Variants in SCYL2 observed in about 807,000 individuals in gnomAD.
The protein encoded by SCYL2 is SCY1 like pseudokinase 2, also known as SCY1-like protein 2.
A neutral mutation model predicts 100.4 loss-of-function variants in SCYL2; 36 were observed. The ratio of observed to expected loss-of-function variants is 0.36; its 90% CI spans 0.27 to 0.47. The LOEUF (loss-of-function observed/expected upper bound fraction) is 0.47, where lower values mean the gene tolerates loss of function less well. Among genes scored for constraint, SCYL2 ranks in the 20% least tolerant of loss-of-function variants. SCYL2 has a pLI of 1.00. For missense variants in SCYL2, 902 were observed against 1,083.9 expected, an observed-to-expected ratio of 0.83 and a Z score of 2.36; for synonymous variants, 330 against 359.2, an observed-to-expected ratio of 0.92 and a Z score of 0.92.
chr12:100,272,272 T>A (rs1486114092), intron 1 of SCYL2, among the ~76,000 whole-genome samples: 1 of 152,212 alleles, frequency 6.6e-6, no homozygotes, highest in Non-Finnish European at 1.5e-5. Flanking sequence ...TATAGGCTTT[T>A]TTCTTCATTA....
intron 3 of SCYL2, among the ~76,000 whole-genome samples, chr12:100,294,133 ACGGGGCGG>A (rs2096314104): frequency 4.1e-5 from 6 of 144,994 alleles, no homozygotes; most frequent in South Asian, 2.2e-4. Flanking sequence ...CACCTCCCGG[ACGGGGCGG>A]CTGGCCGGGC....
At chr12:100,302,299 T>C (rs1324112091) in intron 4 of SCYL2, among the ~76,000 whole-genome samples, 1 of 152,168 alleles carries the variant, frequency 6.6e-6, no homozygotes, top group Non-Finnish European at 1.5e-5. Flanking sequence ...ACACTTGCCA[T>C]CCTAGTCAGT....
intron 12 of SCYL2, among the ~76,000 whole-genome samples, chr12:100,328,476 C>A (rs1952165982): frequency 6.6e-6 from 1 of 152,186 alleles, no homozygotes; most frequent in East Asian, 1.9e-4. Context: ...AGCAAATAAG[C>A]ATTTAGTAGG....
At chr12:100,308,575 G>A (rs1278120332) in intron 4 of SCYL2, among the ~76,000 whole-genome samples, 3 of 152,038 alleles carry the variant, frequency 2.0e-5, no homozygotes, top group African/African-American at 4.8e-5. Flanking sequence ...ACCATGGCAC[G>A]TGTATACCTA....
intron 1 of SCYL2, among the ~76,000 whole-genome samples, chr12:100,278,219 A>G (rs2096294522): frequency 6.6e-6 from 1 of 151,858 alleles, no homozygotes; most frequent in African/African-American, 2.4e-5. Context: ...TTTGTTTTAG[A>G]GAGAGGGTCT....
At position 100,326,639 on chromosome 12, in the gene SCYL2, A is replaced by G; in HGVS notation, c.1527A>G (p.Leu509=). Residue 509 remains leucine, a synonymous_variant, in exon 12 of 18, where the codon TTA becomes TTG. Transcript: ENST00000360820. ...TTTAATAGGTTCGTGTAAATTCATT[A>G]GTGTGCTTAGGAAAGATTTTGGAAT... The part of the protein sequence containing the change: ...TSSLAVRVNS[L]VCLGKILEYL... 6.2e-7 allele frequency: 1 copy of G among 1,600,160 alleles called. No homozygotes were observed. Among genetic ancestry groups the G allele is most frequent in the East Asian group, 2.3e-5 (1 of 44,426 alleles).
chr12:100,287,624 T>C (rs531404942), intron 2 of SCYL2, among the ~76,000 whole-genome samples: 49 of 152,220 alleles, frequency 3.2e-4, no homozygotes, highest in Non-Finnish European at 6.8e-4. Flanking sequence ...TGCCAGTGTT[T>C]TTAAAGAATC....
chr12:100,315,517 T>C, intron 8 of SCYL2, 41 bp from the exon 9 acceptor site: 1 of 1,529,342 alleles, frequency 6.5e-7, no homozygotes, highest in Non-Finnish European at 8.8e-7. Flanking sequence ...AAACCTTTAA[T>C]AAATTTTATT....
At chr12:100,310,959 A>G (rs1375185336) in intron 4 of SCYL2, 85 bp from the exon 5 acceptor site, 3 of 1,282,112 alleles carry the variant, frequency 2.3e-6, no homozygotes, top group Non-Finnish European at 3.1e-6. Flanking sequence ...TGTGAAGAGT[A>G]GCAATAATTA....
In SCYL2 at chr12:100,282,943, G is replaced by T; in HGVS notation, c.-28G>T. The stretch of plus-strand genomic sequence containing the variant: ...CTCCACTATCCTTCTGTTTTTCTAG[G>T]TAACTATAACTACCCAATATTGCAG... On this transcript the variant is annotated splice_region_variant and 5_prime_UTR_variant, in exon 2 of 18. Coordinates refer to ENST00000360820, the MANE Select transcript of SCYL2 (RefSeq NM_017988.6). The T allele has an allele frequency of 1.4e-6, 2 of 1,476,394 alleles. No individual in the cohort carries two copies. The highest frequency in any genetic ancestry group is 1.8e-6 in the Non-Finnish European group (2 of 1,085,412). 91.5% of individuals were successfully genotyped at this position (1,476,394 alleles called of 1,614,324 possible).
rs2096317263 is a variant in SCYL2, at chr12:100,294,984, G to A, written c.336-3047G>A. On this transcript the variant is annotated intron_variant, in intron 3 of 17. Transcript: ENST00000360820. ...GAGGGTCTCCTCACTTCTCAGACGGGGTGGCCGGGCAGAGACGCTCCTCAC... is the reference window on the plus strand; with the variant it reads ...GAGGGTCTCCTCACTTCTCAGACGGAGTGGCCGGGCAGAGACGCTCCTCAC... 5.3e-5 allele frequency among the ~76,000 whole-genome samples: 8 copies of A among 151,920 alleles called. No homozygotes were observed. In the South Asian group the frequency reaches 1.3e-3, roughly 24 times the overall value.
intron 3 of SCYL2, among the ~76,000 whole-genome samples, chr12:100,295,975 C>G (rs2096319898): frequency 6.6e-6 from 1 of 152,186 alleles, no homozygotes; most frequent in African/African-American, 2.4e-5. Context: ...ACCTGGTAGG[C>G]TCTTTATGAG....
intron 10 of SCYL2, chr12:100,319,200 T>C: frequency 2.2e-6 from 1 of 455,924 alleles, no homozygotes; most frequent in Non-Finnish European, 4.4e-6. Flanking sequence ...AGGTTGATGT[T>C]AACATTTTTT....
chr12:100,306,579 T>G (rs907743471), intron 4 of SCYL2, among the ~76,000 whole-genome samples: 1 of 152,186 alleles, frequency 6.6e-6, no homozygotes, highest in Admixed American at 6.5e-5. Context: ...AAGCATTCCT[T>G]TTGAAAACTG....
chr12:100,285,148 TC>T (rs1331699735), intron 2 of SCYL2, among the ~76,000 whole-genome samples: 6 of 152,162 alleles, frequency 3.9e-5, no homozygotes, highest in African/African-American at 1.4e-4. Flanking sequence ...GTAACCAGCA[TC>T]CGGACCAATA....
At chr12:100,306,894 A>G (rs1262572437) in intron 4 of SCYL2, among the ~76,000 whole-genome samples, 2 of 152,252 alleles carry the variant, frequency 1.3e-5, no homozygotes, top group Admixed American at 6.5e-5. Flanking sequence ...CCGATTCACA[A>G]TTGATACAAA....
chr12:100,336,846 A>G (rs974702320), intron 16 of SCYL2, among the ~76,000 whole-genome samples: 6 of 152,178 alleles, frequency 3.9e-5, no homozygotes, highest in South Asian at 2.1e-4. Context: ...ATTCATTCAT[A>G]AATGTGAATA....
Position 100,315,591 on chromosome 12 carries a change from A to T in SCYL2, c.1129A>T (p.Thr377Ser), listed in dbSNP as rs755904319. Residue 377 changes from threonine (T) to serine (S), a missense_variant, in exon 9 of 18, where the codon ACT becomes TCT. Transcript: ENST00000360820. ...TGTGCAGAGAATTTTGCCTTGTTTG[A>T]CTTCAGAATTTGTAAACCCTGACAT... The part of the protein sequence containing the change: ...VIVQRILPCL[T>S]SEFVNPDMVP... 1 of 1,606,254 alleles carries T rather than the reference A, an allele frequency of 6.2e-7. No homozygotes were observed. The highest frequency in any genetic ancestry group is 1.1e-5 in the South Asian group (1 of 88,570).
At chr12:100,297,255 A>T (rs140271935) in intron 3 of SCYL2, among the ~76,000 whole-genome samples, 1 of 152,204 alleles carries the variant, frequency 6.6e-6, no homozygotes, top group Non-Finnish European at 1.5e-5. Flanking sequence ...AGGTGGGTCT[A>T]TTATCACCAT....
Sources: gnomAD v4.1 joint callset for allele counts (sites outside exome capture counted in the v4.1 genomes callset) on GRCh38, gnomAD v4.1.1 for gene constraint, MANE v1.5 for transcripts, NCBI Gene and HGNC (gene_info 2026-07-23, HGNC 2026-07-21) for gene names.